The following HLCS variants were observed in gnomAD, a reference collection of about 807,000 sequenced individuals.
HLCS encodes biotin--protein ligase.
In HLCS, 53 loss-of-function variants were observed where a neutral mutation model predicts 75.0. That is an observed-to-expected ratio of 0.71 (90% confidence interval 0.57 to 0.89). The LOEUF (loss-of-function observed/expected upper bound fraction) is 0.89. HLCS is among the 40% of genes least tolerant of loss of function. The pLI is 0.00. For missense variants in HLCS, 966 were observed against 1,074.0 expected (o/e 0.90, Z 1.41); for synonymous variants, 431 against 428.6 (o/e 1.01, Z -0.07).
At chr21:36,878,877 A>C (rs2064090034) in intron 6 of HLCS, among the ~76,000 whole-genome samples, 1 of 152,158 alleles carries the variant, frequency 6.6e-6, no homozygotes, top group Non-Finnish European at 1.5e-5. Flanking sequence ...GGCTCTTAAC[A>C]CAGATAAAAC....
chr21:36,973,053 GA>G (rs573920981), intron 1 of HLCS, among the ~76,000 whole-genome samples: 1 of 147,420 alleles, frequency 6.8e-6, no homozygotes, highest in Non-Finnish European at 1.5e-5. Context: ...CCATCTCTAT[GA>G]AAAAAAAAAC....
chr21:36,972,872 A>T (rs574002654), intron 1 of HLCS, among the ~76,000 whole-genome samples: 7 of 152,320 alleles, frequency 4.6e-5, no homozygotes, highest in African/African-American at 1.7e-4. Context: ...TAGATTGATA[A>T]GAATTACATA....
chr21:36,892,990 G>C (rs986498211), intron 6 of HLCS, among the ~76,000 whole-genome samples: 1 of 152,082 alleles, frequency 6.6e-6, no homozygotes, highest in African/African-American at 2.4e-5. Flanking sequence ...GCCCAGGCTG[G>C]TCTCAAACTC....
At chr21:36,759,509 C>T (rs1007727359) in intron 9 of HLCS, among the ~76,000 whole-genome samples, 1 of 152,124 alleles carries the variant, frequency 6.6e-6, no homozygotes, top group African/African-American at 2.4e-5. Context: ...TGATGTGATA[C>T]CACTTTGGTG....
chr21:36,885,164 T>C (rs1295607013), intron 6 of HLCS, among the ~76,000 whole-genome samples: 3 of 152,108 alleles, frequency 2.0e-5, no homozygotes, highest in Admixed American at 6.6e-5. Flanking sequence ...TTGGTTCTAG[T>C]ATGAGAAAAA....
Position 36,863,044 on chromosome 21 carries a change from C to T in HLCS, c.1892+33816G>A, listed in dbSNP as rs185405916. On this transcript the variant is annotated intron_variant, in intron 6 of 10. Transcript: ENST00000674895. ...TTCCCGAATAGCTGGGACTACATCG[C>T]GCCACTGAGCCTGGCTTCACCATTT... is the stretch of plus-strand genomic sequence containing the variant. 1.7e-3 allele frequency among the ~76,000 whole-genome samples: 262 copies of T among 151,704 alleles called. 1 individual carries two copies. Among genetic ancestry groups the T allele is most frequent in the African/African-American group, 5.6e-3 (231 of 41,292 alleles).
chr21:36,830,978 A>C (rs916109255), intron 6 of HLCS, among the ~76,000 whole-genome samples: 2 of 152,146 alleles, frequency 1.3e-5, no homozygotes, highest in Non-Finnish European at 2.9e-5. Flanking sequence ...CATCATTGTC[A>C]TCCTCCACCT....
chr21:36,756,450 CAAAAAAAAAA>C (rs56071863), intron 10 of HLCS, 82 bp downstream of exon 10: 18 of 363,190 alleles, frequency 5.0e-5, no homozygotes, highest in Middle Eastern at 7.1e-4. Context: ...GACTCCGTCT[CAAAAAAAAAA>C]AAAAAAAAAA....
intron 6 of HLCS, among the ~76,000 whole-genome samples, chr21:36,795,995 A>T (rs8129544): frequency 2.6e-5 from 4 of 152,148 alleles, no homozygotes; most frequent in Non-Finnish European, 5.9e-5. Context: ...ATTTTGGTGG[A>T]TTTAGTAAAC....
chr21:36,851,407 C>A (rs553441733), intron 6 of HLCS, among the ~76,000 whole-genome samples: 1 of 152,206 alleles, frequency 6.6e-6, no homozygotes, highest in East Asian at 1.9e-4. Context: ...GGTCATTATG[C>A]TCAGTGAAAT....
chr21:36,973,346 A>G (rs767657013), intron 1 of HLCS, among the ~76,000 whole-genome samples: 1 of 151,990 alleles, frequency 6.6e-6, no homozygotes, highest in Non-Finnish European at 1.5e-5. Flanking sequence ...TCAATGAGGA[A>G]AAGTCAGAAA....
At chr21:36,975,617 T>A (rs2068916253) in intron 1 of HLCS, among the ~76,000 whole-genome samples, 2 of 151,816 alleles carry the variant, frequency 1.3e-5, no homozygotes, top group African/African-American at 4.8e-5. Flanking sequence ...TACAAAAAAT[T>A]TAAAAATTAG....
At chr21:36,910,618 T>C (rs1237491623) in intron 5 of HLCS, among the ~76,000 whole-genome samples, 2 of 151,730 alleles carry the variant, frequency 1.3e-5, no homozygotes, top group East Asian at 3.9e-4. Context: ...CAGGGATTGA[T>C]CATCTGACAA....
chr21:36,843,540 G>C (rs559859819), intron 6 of HLCS, among the ~76,000 whole-genome samples: 40 of 149,956 alleles, frequency 2.7e-4, no homozygotes, highest in African/African-American at 9.3e-4. Context: ...AGAATAATTT[G>C]TACAAAATTT....
intron 6 of HLCS, among the ~76,000 whole-genome samples, chr21:36,857,648 T>C (rs1462168451): frequency 6.6e-6 from 1 of 152,132 alleles, no homozygotes; most frequent in Non-Finnish European, 1.5e-5. Flanking sequence ...GAGCTCCCAC[T>C]CCTAGGATGG....
chr21:36,898,255 G>A (rs543454239), intron 5 of HLCS, among the ~76,000 whole-genome samples: 1 of 152,032 alleles, frequency 6.6e-6, no homozygotes, highest in Non-Finnish European at 1.5e-5. Context: ...AGACCAGCCT[G>A]ACCAACATGG....
chr21:36,794,959 G>T (rs1419573423), intron 6 of HLCS, among the ~76,000 whole-genome samples: 1 of 152,018 alleles, frequency 6.6e-6, no homozygotes, highest in Non-Finnish European at 1.5e-5. Context: ...AGCATAAGAT[G>T]CCTATGAGAC....
At chr21:36,879,416 G>A (rs1477308594) in intron 6 of HLCS, among the ~76,000 whole-genome samples, 2 of 152,190 alleles carry the variant, frequency 1.3e-5, no homozygotes, top group African/African-American at 2.4e-5. Context: ...TGTAGTGTAG[G>A]AGGAAATAAA....
intron 1 of HLCS, among the ~76,000 whole-genome samples, chr21:36,984,551 C>A (rs77864752): frequency 0.026 from 3,974 of 152,170 alleles, 79 homozygotes; most frequent in Admixed American, 0.038. Flanking sequence ...TGTTCCGAAC[C>A]GCACACAATT....
Sources: gnomAD v4.1 joint callset for allele counts (sites outside exome capture counted in the v4.1 genomes callset) on GRCh38, gnomAD v4.1.1 for gene constraint, MANE v1.5 for transcripts, NCBI Gene and HGNC (gene_info 2026-07-23, HGNC 2026-07-21) for gene names.